TMEM181: variants seen among roughly 807,000 people sequenced by gnomAD.
The protein encoded by TMEM181 is transmembrane protein 181.
A neutral mutation model predicts 71.9 loss-of-function variants in TMEM181; 39 were observed. The observed-to-expected ratio is 0.54, with a 90% CI of 0.42 to 0.71. TMEM181 has a LOEUF of 0.71. Among genes scored for constraint, TMEM181 ranks in the 30% least tolerant of loss-of-function variants. The probability of loss-of-function intolerance (pLI) is 0.00; values close to 1 mark genes in which losing one functional copy is unlikely to be tolerated. For missense variants in TMEM181, 595 were observed against 583.0 expected (o/e 1.02, Z -0.21); for synonymous variants, 245 against 228.8 (o/e 1.07, Z -0.64).
intron 6 of TMEM181, among the ~76,000 whole-genome samples, chr6:158,590,444 G>T (rs531757685): frequency 2.6e-5 from 4 of 151,234 alleles, no homozygotes; most frequent in Admixed American, 6.6e-5. Context: ...ACGTTCAGTG[G>T]TTTTTTTTTG....
intron 10 of TMEM181, among the ~76,000 whole-genome samples, chr6:158,616,310 T>C (rs1252551458): frequency 1.3e-5 from 2 of 152,140 alleles, no homozygotes; most frequent in Non-Finnish European, 2.9e-5. Flanking sequence ...TATAGGAATG[T>C]TTGTGATTTT....
At chr6:158,578,358 T>C (rs1783279674) in intron 2 of TMEM181, among the ~76,000 whole-genome samples, 1 of 152,170 alleles carries the variant, frequency 6.6e-6, no homozygotes, top group Admixed American at 6.5e-5. Flanking sequence ...GGTGTATAAC[T>C]CCATTTTTTT....
intron 6 of TMEM181, among the ~76,000 whole-genome samples, chr6:158,598,876 T>C (rs530212717): frequency 1.3e-5 from 2 of 152,206 alleles, no homozygotes; most frequent in South Asian, 4.2e-4. Flanking sequence ...GGTTTCACTG[T>C]GGTCTTGATC....
At chr6:158,558,742 A>C (rs1781997105), upstream of TMEM181, among the ~76,000 whole-genome samples, 1 of 152,190 alleles carries the variant, frequency 6.6e-6, no homozygotes, top group Admixed American at 6.5e-5. Context: ...CCTCAGGCCT[A>C]AACATTTAAC....
chr6:158,546,804 A>G (rs1781539589), intron 1 of TMEM181, among the ~76,000 whole-genome samples: 1 of 151,902 alleles, frequency 6.6e-6, no homozygotes, highest in Admixed American at 6.6e-5. Context: ...TACTAAAAAT[A>G]CAAAAATTAG....
chr6:158,564,116 C>T (rs1187378855), intron 1 of TMEM181, among the ~76,000 whole-genome samples: 1 of 152,208 alleles, frequency 6.6e-6, no homozygotes, highest in African/African-American at 2.4e-5. Flanking sequence ...ATGACTTATA[C>T]CCAAGTTGGC....
chr6:158,611,188 G>A (rs1785282998), intron 10 of TMEM181: 1 of 523,714 alleles, frequency 1.9e-6, no homozygotes, highest in African/African-American at 1.9e-5. Flanking sequence ...GCACTGTCTT[G>A]TCCTTCTCCA....
intron 6 of TMEM181, 48 bp downstream of exon 6, chr6:158,589,830 C>A: frequency 7.7e-7 from 1 of 1,304,846 alleles, no homozygotes; most frequent in Non-Finnish European, 1.1e-6. Context: ...TGTTCTAGTT[C>A]CCATTCTTTG....
At chr6:158,600,996 G>A (rs989675153) in intron 6 of TMEM181, among the ~76,000 whole-genome samples, 3 of 151,996 alleles carry the variant, frequency 2.0e-5, no homozygotes, top group South Asian at 2.1e-4. Context: ...TTGACTGTGC[G>A]TTAGAGTATG....
upstream of TMEM181, among the ~76,000 whole-genome samples, chr6:158,557,599 G>T (rs12200938): frequency 0.58 from 88,552 of 151,760 alleles, 27,208 homozygotes; most frequent in African/African-American, 0.79. Flanking sequence ...CTCACTGCAA[G>T]CTCCACCCCC....
intron 1 of TMEM181, among the ~76,000 whole-genome samples, chr6:158,565,051 C>A (rs972467204): frequency 2.6e-5 from 4 of 152,170 alleles, no homozygotes; most frequent in African/African-American, 9.7e-5. Flanking sequence ...CCCCTTGGGC[C>A]CCTGCTGCGG....
intron 2 of TMEM181, among the ~76,000 whole-genome samples, chr6:158,575,320 G>A (rs1046005159): frequency 4.0e-5 from 6 of 151,826 alleles, no homozygotes; most frequent in Admixed American, 2.0e-4. Context: ...TCAAGACCCA[G>A]AAAGCCTTGT....
At chr6:158,628,006 G>A (rs182876972) in intron 13 of TMEM181, among the ~76,000 whole-genome samples, 8 of 152,354 alleles carry the variant, frequency 5.3e-5, no homozygotes, top group East Asian at 1.9e-4. Context: ...GAGCTGTGAC[G>A]AAGGAGAAGC....
At chr6:158,586,338 A>T (rs150104417) in intron 5 of TMEM181, among the ~76,000 whole-genome samples, 1 of 152,282 alleles carries the variant, frequency 6.6e-6, no homozygotes, top group African/African-American at 2.4e-5. Flanking sequence ...TTCTTATAGG[A>T]TTAGGAAAGT....
intron 2 of TMEM181, among the ~76,000 whole-genome samples, chr6:158,574,657 A>T (rs1783061049): frequency 1.3e-5 from 2 of 152,178 alleles, no homozygotes; most frequent in Admixed American, 6.6e-5. Flanking sequence ...GGATTTCTAC[A>T]TCCCCTTCTT....
At chr6:158,599,744 G>A (rs1029017882) in intron 6 of TMEM181, among the ~76,000 whole-genome samples, 2 of 152,202 alleles carry the variant, frequency 1.3e-5, no homozygotes, top group African/African-American at 2.4e-5. Flanking sequence ...CCTGGAGGCC[G>A]CTGTGTGTCA....
At chr6:158,571,271 TG>T (rs1229457995) in intron 1 of TMEM181, among the ~76,000 whole-genome samples, 5 of 148,572 alleles carry the variant, frequency 3.4e-5, no homozygotes, top group East Asian at 2.1e-4. Context: ...TAATTTTTTG[TG>T]TTTTTTAGTA....
intron 1 of TMEM181, among the ~76,000 whole-genome samples, chr6:158,550,423 C>T (rs571685439): frequency 2.3e-4 from 35 of 151,848 alleles, no homozygotes; most frequent in Admixed American, 3.9e-4. Context: ...TTTGGGAGGC[C>T]GTGGCTGGCG....
At chr6:158,604,074 T>C (rs1212646998) in intron 6 of TMEM181, among the ~76,000 whole-genome samples, 1 of 152,234 alleles carries the variant, frequency 6.6e-6, no homozygotes, top group African/African-American at 2.4e-5. Flanking sequence ...GTGAGTTTCT[T>C]CTCTGTCTTG....
Sources: gnomAD v4.1 joint callset for allele counts (sites outside exome capture counted in the v4.1 genomes callset) on GRCh38, gnomAD v4.1.1 for gene constraint, MANE v1.5 for transcripts, NCBI Gene and HGNC (gene_info 2026-07-23, HGNC 2026-07-21) for gene names.